The following ZRANB3 variants were observed in gnomAD, a reference collection of about 807,000 sequenced individuals.
The protein encoded by ZRANB3 is zinc finger RANBP2-type containing 3.
ZRANB3 carries 125 observed loss-of-function variants against 133.8 expected under a neutral mutation model. The ratio of observed to expected loss-of-function variants is 0.93; its 90% CI spans 0.81 to 1.08. The LOEUF (loss-of-function observed/expected upper bound fraction) is 1.08. ZRANB3 is among the 50% of genes least tolerant of loss of function. The pLI, the probability that ZRANB3 is intolerant of heterozygous loss-of-function variation, is 0.00. For synonymous variants in ZRANB3, 387 were observed against 432.7 expected, an observed-to-expected ratio of 0.89 and a Z score of 1.31; for missense variants, 1,229 against 1,275.5, an observed-to-expected ratio of 0.96 and a Z score of 0.56.
intron 2 of ZRANB3, among the ~76,000 whole-genome samples, chr2:135,431,515 C>T (rs1689322730): frequency 6.6e-6 from 1 of 151,936 alleles, no homozygotes; most frequent in South Asian, 2.1e-4. Flanking sequence ...CTTTGAAAGA[C>T]ACTTTAAAGA....
chr2:135,474,254 T>C (rs1450371712), intron 2 of ZRANB3, among the ~76,000 whole-genome samples: 1 of 152,024 alleles, frequency 6.6e-6, no homozygotes, highest in African/African-American at 2.4e-5. Context: ...AACAATTAGT[T>C]CCAGTTCATT....
At chr2:135,367,537 A>G (rs899264505) in intron 3 of ZRANB3, among the ~76,000 whole-genome samples, 1 of 152,212 alleles carries the variant, frequency 6.6e-6, no homozygotes, top group African/African-American at 2.4e-5. Flanking sequence ...AACAAGAGAG[A>G]GAAAACCAAA....
Position 135,207,760 on chromosome 2 carries a change from A to G in ZRANB3, c.2683T>C (p.Ser895Pro), listed in dbSNP as rs1262212934. The G allele has an allele frequency of 2.6e-5, 42 of 1,613,882 alleles. No homozygotes were observed. Among genetic ancestry groups the G allele is most frequent in the Non-Finnish European group, 3.5e-5 (41 of 1,179,874 alleles). The change falls in exon 19 of 21, where the codon TCT becomes CCT. Residue 895 changes from serine (S) to proline (P), a missense_variant. Physicochemically the swap from Ser to Pro is moderately conservative, Grantham distance 74 (BLOSUM62 -1). Transcript: ENST00000264159. ...TVQADLTVKPSTSKGYLQAVD... is the reference protein window; with the variant it reads ...TVQADLTVKPPTSKGYLQAVD... ...GCTTGCAAATAGCCTTTGGATGTAG[A>G]GGGCTTCACAGTGAGATCTGCCTGG... is the stretch of plus-strand genomic sequence containing the variant.
chr2:135,224,253 G>A (rs368750544), intron 15 of ZRANB3, among the ~76,000 whole-genome samples, 173 bp downstream of exon 15: 2 of 152,280 alleles, frequency 1.3e-5, no homozygotes, highest in Admixed American at 6.5e-5. Context: ...TCTTAAAGAC[G>A]TGTGGTTTTA....
intron 1 of ZRANB3, among the ~76,000 whole-genome samples, chr2:135,516,007 G>T (rs1693681721): frequency 1.3e-5 from 2 of 152,048 alleles, no homozygotes. Context: ...TCTTCTTGTT[G>T]TACTGATCCC....
Position 135,230,700 on chromosome 2 carries a change from CG to C in ZRANB3, c.1766del (p.Pro589ArgfsTer27), listed in dbSNP as rs1456957142. 1 of 1,612,614 alleles carries C rather than the reference CG, an allele frequency of 6.2e-7. No homozygotes were observed. The highest frequency in any genetic ancestry group is 1.3e-5 in the African/African-American group (1 of 74,910). ...TGGACTGGGATGGTGTCTCTTCCGA[CG>C]GACTGCAGTGGTCTTCCGAGGCAGC... ...KLAASEDHCSPSEETPSQSKQ... is the reference protein window; with the variant it reads ...KLAASEDHCSXSEETPSQSKQ... On this transcript the variant is annotated frameshift_variant, in exon 13 of 21. Transcript: ENST00000264159. LOFTEE classifies it high-confidence loss of function.
intron 2 of ZRANB3, among the ~76,000 whole-genome samples, chr2:135,496,276 C>T (rs943905296): frequency 3.3e-5 from 5 of 150,506 alleles, no homozygotes; most frequent in Non-Finnish European, 5.9e-5. Context: ...CCCAGCTACT[C>T]GGAAGGCTGA....
intron 2 of ZRANB3, among the ~76,000 whole-genome samples, chr2:135,461,009 G>C (rs574955311): frequency 1.3e-5 from 2 of 152,094 alleles, no homozygotes; most frequent in South Asian, 4.1e-4. Context: ...AACCATAGTA[G>C]CTATCAGGTG....
intron 2 of ZRANB3, among the ~76,000 whole-genome samples, chr2:135,471,569 T>C (rs970940652): frequency 1.3e-5 from 2 of 152,232 alleles, no homozygotes; most frequent in African/African-American, 4.8e-5. Flanking sequence ...TTTAAAAACT[T>C]CATATTTTAT....
At chr2:135,454,649 C>T (rs1425470629) in intron 2 of ZRANB3, among the ~76,000 whole-genome samples, 2 of 152,130 alleles carry the variant, frequency 1.3e-5, no homozygotes, top group Non-Finnish European at 1.5e-5. Flanking sequence ...CCTTTGCATA[C>T]CCATGACTTA....
intron 8 of ZRANB3, among the ~76,000 whole-genome samples, chr2:135,286,304 G>T (rs1681361392): frequency 6.6e-6 from 1 of 152,096 alleles, no homozygotes; most frequent in Non-Finnish European, 1.5e-5. Flanking sequence ...TTGAGAGGGA[G>T]TCTGGCTTTG....
intron 15 of ZRANB3, among the ~76,000 whole-genome samples, chr2:135,220,964 C>T (rs1694529503): frequency 6.7e-6 from 1 of 150,278 alleles, no homozygotes; most frequent in Non-Finnish European, 1.5e-5. Flanking sequence ...TCAAGCGATT[C>T]TCCTGCCTCA....
At chr2:135,467,502 G>A (rs1465250692) in intron 2 of ZRANB3, among the ~76,000 whole-genome samples, 2 of 152,132 alleles carry the variant, frequency 1.3e-5, no homozygotes, top group African/African-American at 4.8e-5. Flanking sequence ...TGCCCTCCCA[G>A]GGGGTGTTCC....
chr2:135,481,007 T>C (rs1457948411), intron 2 of ZRANB3, among the ~76,000 whole-genome samples: 2 of 151,738 alleles, frequency 1.3e-5, no homozygotes, highest in African/African-American at 2.4e-5. Context: ...CTTAATCCAG[T>C]CTATCATTGT....
intron 2 of ZRANB3, among the ~76,000 whole-genome samples, chr2:135,399,099 C>T (rs1368144627): frequency 1.3e-5 from 2 of 152,088 alleles, no homozygotes; most frequent in East Asian, 1.9e-4. Context: ...AAAGATATTT[C>T]ATTGATTTAC....
intron 12 of ZRANB3, among the ~76,000 whole-genome samples, chr2:135,231,578 G>C (rs139178157): frequency 6.6e-6 from 1 of 152,140 alleles, no homozygotes; most frequent in East Asian, 1.9e-4. Flanking sequence ...TGGGCAACAC[G>C]GTGAAACCCC....
At chr2:135,249,024 A>C (rs1695927873) in intron 12 of ZRANB3, among the ~76,000 whole-genome samples, 1 of 152,262 alleles carries the variant, frequency 6.6e-6, no homozygotes, top group Non-Finnish European at 1.5e-5. Flanking sequence ...ATCACTAGAG[A>C]AATGCAAATC....
At chr2:135,434,528 G>C (rs1230454956) in intron 2 of ZRANB3, among the ~76,000 whole-genome samples, 1 of 152,212 alleles carries the variant, frequency 6.6e-6, no homozygotes, top group African/African-American at 2.4e-5. Flanking sequence ...AAAACACAGG[G>C]CTAGAAGTGA....
intron 3 of ZRANB3, among the ~76,000 whole-genome samples, chr2:135,379,915 C>A (rs957819595): frequency 1.3e-5 from 2 of 151,992 alleles, no homozygotes; most frequent in African/African-American, 4.8e-5. Flanking sequence ...TCAAGAGACC[C>A]ATCTGATGTG....
Sources: gnomAD v4.1 joint callset for allele counts (sites outside exome capture counted in the v4.1 genomes callset) on GRCh38, gnomAD v4.1.1 for gene constraint, MANE v1.5 for transcripts, NCBI Gene and HGNC (gene_info 2026-07-23, HGNC 2026-07-21) for gene names.